PNPLA8: variants seen among roughly 807,000 people sequenced by gnomAD.
PNPLA8 encodes patatin like domain 8, phospholipase A2.
A neutral mutation model predicts 76.9 loss-of-function variants in PNPLA8; 39 were observed. The ratio of observed to expected loss-of-function variants is 0.51; its 90% confidence interval spans 0.39 to 0.66. The LOEUF is 0.66. Ranked by LOEUF, PNPLA8 falls within the 30% of genes least tolerant of loss-of-function variation. The probability of loss-of-function intolerance (pLI) is 0.00; values close to 1 mark genes in which losing one functional copy is unlikely to be tolerated. For synonymous variants in PNPLA8, 301 were observed against 307.9 expected (o/e 0.98, Z 0.24); for missense variants, 887 against 918.0 (o/e 0.97, Z 0.44).
rs1489220084 is a variant in PNPLA8 at position 108,502,522 on chromosome 7, G to A, written c.1327C>T (p.Arg443Ter). 7 of 1,608,684 alleles carry A rather than the reference G, an allele frequency of 4.4e-6. No homozygotes were observed. Among genetic ancestry groups the A allele is most frequent in the Non-Finnish European group, 5.9e-6 (7 of 1,177,804 alleles). Residue 443 changes from arginine (R) to a stop codon, truncating the protein, a stop_gained, in exon 5 of 11, where the codon CGA becomes TGA. Coordinates refer to ENST00000257694, the MANE Select transcript of PNPLA8 (RefSeq NM_001256007.3). LOFTEE classifies it high-confidence loss of function. Reference sequence around the variant, plus strand: ...CCTCCACCATCAATTGAGAGAATTCGGATTCCTCTCCCTTTCACTGGATCC... The same window carrying A: ...CCTCCACCATCAATTGAGAGAATTCAGATTCCTCTCCCTTTCACTGGATCC... ...YVDPVKGRGI[R>*]ILSIDGGGTR... is the part of the protein sequence containing the mutation.
At position 108,487,896 on chromosome 7, in the gene PNPLA8, T is replaced by A; in HGVS notation, c.1741A>T (p.Arg581Ter). The A allele has an allele frequency of 6.2e-7, 1 of 1,613,660 alleles. No individual in the cohort carries two copies. Among genetic ancestry groups the A allele is most frequent in the Non-Finnish European group, 8.5e-7 (1 of 1,179,624 alleles). Residue 581 changes from arginine (R) to a stop codon, truncating the protein, a stop_gained, in exon 9 of 11, where the codon AGA becomes TGA. Transcript: ENST00000257694. LOFTEE classifies it high-confidence loss of function. ...RGITPKAFVFRNYGHFPGINS... is the reference protein window; with the variant it reads ...RGITPKAFVF ...ATTCCAGGAAAATGACCATAGTTTC[T>A]GAACACAAAAGCTTTGGGTGTTATC...
intron 2 of PNPLA8, among the ~76,000 whole-genome samples, chr7:108,517,648 A>G (rs538850723): frequency 3.5e-4 from 54 of 152,352 alleles, no homozygotes; most frequent in Middle Eastern, 3.4e-3. Flanking sequence ...CCTGAAATGC[A>G]TATTACTAAG....
At chr7:108,473,499 T>G (rs2154514581) in intron 10 of PNPLA8, among the ~76,000 whole-genome samples, 1 of 152,330 alleles carries the variant, frequency 6.6e-6, no homozygotes, top group East Asian at 1.9e-4. Flanking sequence ...CACACTGTCT[T>G]CCATTTTTGT....
At chr7:108,517,870 C>A (rs1863454575) in intron 2 of PNPLA8, among the ~76,000 whole-genome samples, 1 of 152,142 alleles carries the variant, frequency 6.6e-6, no homozygotes, top group South Asian at 2.1e-4. Context: ...AACTCCTGGG[C>A]TCGTGCAATC....
chr7:108,481,497 C>A (rs1452135249), intron 9 of PNPLA8, among the ~76,000 whole-genome samples: 1 of 152,134 alleles, frequency 6.6e-6, no homozygotes, highest in Non-Finnish European at 1.5e-5. Context: ...ATTTGCCATC[C>A]CTTTATCCTC....
intron 4 of PNPLA8, among the ~76,000 whole-genome samples, chr7:108,504,499 A>T (rs1862197341): frequency 6.6e-6 from 1 of 152,234 alleles, no homozygotes; most frequent in Non-Finnish European, 1.5e-5. Flanking sequence ...TAATTGAAAA[A>T]ATATGCCATA....
At chr7:108,527,171 T>C (rs1864127288), upstream of PNPLA8, among the ~76,000 whole-genome samples, 1 of 152,168 alleles carries the variant, frequency 6.6e-6, no homozygotes, top group African/African-American at 2.4e-5. Context: ...TACCCATGGG[T>C]ATGTATGCTT....
At chr7:108,476,634 G>C (rs1302046363) in intron 10 of PNPLA8, among the ~76,000 whole-genome samples, 1 of 152,114 alleles carries the variant, frequency 6.6e-6, no homozygotes, top group African/African-American at 2.4e-5. Flanking sequence ...TCCCACTCCG[G>C]GTATATGTCC....
chr7:108,507,695 AT>A (rs1344055115), intron 4 of PNPLA8, among the ~76,000 whole-genome samples: 8 of 151,950 alleles, frequency 5.3e-5, no homozygotes, highest in Admixed American at 3.3e-4. Flanking sequence ...AGTCCATAAT[AT>A]TTTTTTTAAA....
chr7:108,521,733 G>GA (rs1270815822), intron 1 of PNPLA8, among the ~76,000 whole-genome samples: 1 of 152,048 alleles, frequency 6.6e-6, no homozygotes, highest in Non-Finnish European at 1.5e-5. Context: ...TAGTCAGAGA[G>GA]AAAAAACAAC....
At chr7:108,497,653 C>A in intron 5 of PNPLA8, 76 bp from the exon 6 acceptor site, 2 of 700,996 alleles carry the variant, frequency 2.9e-6, no homozygotes, top group Non-Finnish European at 4.4e-6. Context: ...ATAAAACAAT[C>A]TAATAATTGC....
At position 108,505,346 on chromosome 7, in the gene PNPLA8, ATATATATTTTTTTTTTTTTT is replaced by A. The variant is rs1345116357; in HGVS notation, c.1207-2724_1207-2705del. Among the ~76,000 whole-genome samples the A allele has an allele frequency of 9.2e-3, 54 of 5,864 alleles. 3 individuals are homozygous for A. The highest frequency in any genetic ancestry group is 0.047 in the African/African-American group (51 of 1,096). The allele number at this position is 5,864 out of a possible 152,430, so 3.8% of individuals were successfully genotyped here. On this transcript the variant is annotated intron_variant, in intron 4 of 10. Transcript: ENST00000257694. Reference sequence around the variant, plus strand: ...TATATATATATATATATATATATATATATATATTTTTTTTTTTTTTTTTTTTTTTTTTTTTGAGACGGAGT... The same window carrying A: ...TATATATATATATATATATATATATATTTTTTTTTTTTTTTGAGACGGAGT...
At position 108,472,372 on chromosome 7, in the gene PNPLA8, T is replaced by C. The variant is rs769908040; in HGVS notation, c.*29A>G. On this transcript the variant is annotated 3_prime_UTR_variant, in exon 11 of 11. Coordinates refer to ENST00000257694, the MANE Select transcript of PNPLA8 (RefSeq NM_001256007.3). Reference sequence around the variant, plus strand: ...TGTGGTTGATCTTCTAAACAGACCTTCATTTATGAGAACATAAGCATATAC... The same window carrying C: ...TGTGGTTGATCTTCTAAACAGACCTCCATTTATGAGAACATAAGCATATAC... 6.8e-7 allele frequency: 1 copy of C among 1,463,804 alleles called. No homozygotes were observed. The highest frequency in any genetic ancestry group is 1.4e-5 in the South Asian group (1 of 73,154). The allele number at this position is 1,463,804 out of a possible 1,614,324, so 90.7% of individuals were successfully genotyped here.
rs775853817 is a variant in PNPLA8 at position 108,514,316 on chromosome 7, TATG to T, written c.1057-26_1057-24del. The T allele has an allele frequency of 5.7e-6, 9 of 1,589,632 alleles. No homozygotes were observed. The African/African-American group carries it at 1.2e-4, about 22-fold the overall frequency. On this transcript the variant is annotated intron_variant, in intron 3 of 10. Transcript: ENST00000257694. ...AATCTACAAAGACATATTAAATAGA[TATG>T]ATTAGAATACAAAACTGCTCTAAAG...
chr7:108,496,747 A>C lies in PNPLA8; in HGVS notation c.1462T>G (p.Leu488Val), dbSNP rs1357493187. 1.2e-6 allele frequency: 2 copies of C among 1,609,108 alleles called. No homozygotes were observed. The highest frequency in any genetic ancestry group is 8.5e-7 in the Non-Finnish European group (1 of 1,177,632). The change falls in exon 7 of 11, where the codon TTA becomes GTA. Residue 488 changes from leucine to valine, a missense_variant. By Grantham distance (32) the Leu-to-Val change is conservative. Transcript: ENST00000257694. ...TGAAACAACCCCAACATGAAAGCTA[A>C]TATGGCACCTGGAAAAAAGAATCCT... ...YICGVSTGAILAFMLGLFHMP... is the reference protein window; with the variant it reads ...YICGVSTGAIVAFMLGLFHMP...
chr7:108,503,888 T>A (rs1862141535), intron 4 of PNPLA8, among the ~76,000 whole-genome samples: 1 of 152,188 alleles, frequency 6.6e-6, no homozygotes, highest in Admixed American at 6.5e-5. Flanking sequence ...CCTGAAGGGC[T>A]TCAAACACAT....
At chr7:108,526,371 CGTGA>C (rs1413668695), upstream of PNPLA8, 1 of 141,222 alleles carries the variant, frequency 7.1e-6, no homozygotes. Context: ...TGCGTGCGTG[CGTGA>C]TGCGCGAGGC....
intron 4 of PNPLA8, among the ~76,000 whole-genome samples, chr7:108,512,366 T>C (rs1363169189): frequency 6.6e-6 from 1 of 152,176 alleles, no homozygotes; most frequent in Non-Finnish European, 1.5e-5. Context: ...GCCTTCTTTC[T>C]AAACAGTCAA....
In PNPLA8 at chr7:108,476,306, C is replaced by T. The variant is rs1859989101; in HGVS notation, c.2074+2878G>A. The stretch of plus-strand genomic sequence containing the variant: ...TTGAAAATTCCAAATAAGCCCATTA[C>T]ATGGTTTGCACAAAGTACAGACTTA... On this transcript the variant is annotated intron_variant, in intron 10 of 10. Coordinates refer to ENST00000257694, the MANE Select transcript of PNPLA8 (RefSeq NM_001256007.3). Among the ~76,000 whole-genome samples, 4 of 152,172 alleles carry T rather than the reference C, an allele frequency of 2.6e-5. No homozygotes were observed. In the South Asian group the frequency reaches 8.3e-4, roughly 32 times the overall value.
Sources: allele counts gnomAD v4.1 joint callset (sites outside exome capture counted in the v4.1 genomes callset), GRCh38; gene constraint gnomAD v4.1.1; transcripts MANE v1.5; gene names NCBI Gene and HGNC (gene_info 2026-07-23, HGNC 2026-07-21).